Variants in THAP10 observed in about 807,000 individuals in gnomAD.
The protein encoded by THAP10 is THAP domain containing 10, also known as THAP domain-containing protein 10.
THAP10 carries 10 observed loss-of-function variants against 15.7 expected under a neutral mutation model. The observed-to-expected ratio is 0.64, with a 90% CI of 0.39 to 1.08. THAP10 has a LOEUF of 1.08. Among genes scored for constraint, THAP10 ranks in the 50% least tolerant of loss-of-function variants. THAP10 has a pLI of 0.01. For missense variants in THAP10, 310 were observed against 330.9 expected (o/e 0.94, Z 0.49); for synonymous variants, 127 against 129.1 (o/e 0.98, Z 0.11).
Position 70,892,203 on chromosome 15 carries a change from G to A in THAP10, c.70C>T (p.Pro24Ser). The A allele has an allele frequency of 6.2e-7, 1 of 1,605,466 alleles. No homozygotes were observed. Among genetic ancestry groups the A allele is most frequent in the Non-Finnish European group, 8.5e-7 (1 of 1,175,836 alleles). ...TKSGKSLFRF[P>S]KDRAVRLLWD... ...AGCAGCCGCACGGCCCGGTCCTTGG[G>A]AAAGCGGAACAGCGACTTCCCAGAC... The change falls in exon 1 of 3, where the codon CCC (proline) becomes TCC (serine). Residue 24 changes from proline to serine, a missense_variant. Transcript: ENST00000249861.
intron 1 of THAP10, among the ~76,000 whole-genome samples, chr15:70,890,462 A>G (rs1479345428): frequency 1.3e-5 from 2 of 152,202 alleles, no homozygotes; most frequent in East Asian, 3.8e-4. Flanking sequence ...AATTACTTAA[A>G]TTTGTAAAAT....
rs999743278 is a variant in THAP10, at chr15:70,882,550, G to C, written c.678C>G (p.Tyr226Ter). 2.5e-6 allele frequency: 4 copies of C among 1,613,644 alleles called. No homozygotes were observed. Among genetic ancestry groups the C allele is most frequent in the Non-Finnish European group, 3.4e-6 (4 of 1,179,714 alleles). The change falls in exon 3 of 3, where the codon TAC becomes TAG. Residue 226 changes from tyrosine to a stop codon, truncating the protein, a stop_gained. Transcript: ENST00000249861. LOFTEE classifies it high-confidence loss of function. The stretch of plus-strand genomic sequence containing the variant: ...CTGTATCTGTTTCTGAATCACTGGA[G>C]TAAATGTCAAAGAGAGAGGAAGTTC... ...WSRTSSLFDI[Y>*]SSDSETDTDW... is the part of the protein sequence containing the mutation.
intron 1 of THAP10, among the ~76,000 whole-genome samples, chr15:70,884,659 TA>T (rs1429152886): frequency 6.6e-6 from 1 of 152,214 alleles, no homozygotes; most frequent in Non-Finnish European, 1.5e-5. Flanking sequence ...CAATTTTCAC[TA>T]GCTATATCTA....
In THAP10 at chr15:70,884,263, C is replaced by G. The variant is rs114962143; in HGVS notation, c.430-1355G>C. ...AAGTTAAAGAAACTTTGTGGCCACA[C>G]ACAGTAGCTCACGCCTCCCAGCACT... On this transcript the variant is annotated intron_variant, in intron 1 of 2. Transcript: ENST00000249861. 1.8e-3 allele frequency among the ~76,000 whole-genome samples: 278 copies of G among 152,106 alleles called. 1 individual carries two copies. Among genetic ancestry groups the G allele is most frequent in the African/African-American group, 6.6e-3 (274 of 41,508 alleles).
chr15:70,889,274 T>C (rs575536874), intron 1 of THAP10, among the ~76,000 whole-genome samples: 1 of 152,134 alleles, frequency 6.6e-6, no homozygotes, highest in Admixed American at 6.5e-5. Context: ...TATGCAACAA[T>C]ATGGATGAAT....
chr15:70,889,764 C>T (rs973851931), intron 1 of THAP10, among the ~76,000 whole-genome samples: 3 of 152,108 alleles, frequency 2.0e-5, no homozygotes, highest in Non-Finnish European at 4.4e-5. Flanking sequence ...AATAGCTCTT[C>T]AATAAATGTT....
chr15:70,884,673 T>G (rs2033358148), intron 1 of THAP10, among the ~76,000 whole-genome samples: 1 of 152,194 alleles, frequency 6.6e-6, no homozygotes, highest in South Asian at 2.1e-4. Context: ...TATATCTACT[T>G]CTAAGCCAAG....
At position 70,892,137 on chromosome 15, in the gene THAP10, C is replaced by T; in HGVS notation, c.136G>A (p.Gly46Arg). The T allele has an allele frequency of 6.2e-7, 1 of 1,613,598 alleles. No individual in the cohort carries two copies. The highest frequency in any genetic ancestry group is 8.5e-7 in the Non-Finnish European group (1 of 1,179,820). Residue 46 changes from glycine (G) to arginine (R), a missense_variant, in exon 1 of 3, where the codon GGA becomes AGA. Coordinates refer to ENST00000249861, the MANE Select transcript of THAP10 (RefSeq NM_020147.4). Reference protein sequence around the residue: ...FVRGCRADWYGGNDRSVICSD... With the variant: ...FVRGCRADWYRGNDRSVICSD... ...CAGATGACCGAGCGGTCATTGCCTC[C>T]GTACCAGTCGGCGCGGCAACCCCGC...
chr15:70,882,933 A>C, intron 1 of THAP10, 25 bp from the exon 2 acceptor site: 3 of 1,612,908 alleles, frequency 1.9e-6, no homozygotes, highest in Non-Finnish European at 2.5e-6. Context: ...CAGAGGAGAA[A>C]CATATTAAAG....
chr15:70,887,481 A>G (rs1289874397), intron 1 of THAP10, among the ~76,000 whole-genome samples: 1 of 152,190 alleles, frequency 6.6e-6, no homozygotes, highest in Non-Finnish European at 1.5e-5. Context: ...AAAACCAATC[A>G]ATATAATTTA....
chr15:70,888,796 A>G (rs1243759463), intron 1 of THAP10, among the ~76,000 whole-genome samples: 1 of 152,192 alleles, frequency 6.6e-6, no homozygotes, highest in Non-Finnish European at 1.5e-5. Context: ...AATGGGCTAG[A>G]TTTAAAAGGG....
chr15:70,888,239 A>G (rs2033461507), intron 1 of THAP10, among the ~76,000 whole-genome samples: 1 of 152,184 alleles, frequency 6.6e-6, no homozygotes, highest in Non-Finnish European at 1.5e-5. Flanking sequence ...ATCCACAAAC[A>G]TGAACAAGGT....
In THAP10 at chr15:70,883,492, C is replaced by A. The variant is rs910236530; in HGVS notation, c.430-584G>T. ...TACAGGCGTGAGGCACCTCGCCCAA[C>A]CAAGATGATACTATCAGTATTAACT... On this transcript the variant is annotated intron_variant, in intron 1 of 2. Coordinates refer to ENST00000249861, the MANE Select transcript of THAP10 (RefSeq NM_020147.4). Among the ~76,000 whole-genome samples the A allele has an allele frequency of 8.5e-5, 13 of 152,140 alleles. No homozygotes were observed. The South Asian group carries it at 2.1e-3, about 24-fold the overall frequency.
At chr15:70,889,358 TC>T (rs200790839) in intron 1 of THAP10, among the ~76,000 whole-genome samples, 263 of 147,466 alleles carry the variant, frequency 1.8e-3, no homozygotes, top group Middle Eastern at 0.01. Flanking sequence ...TTATATGAAA[TC>T]CCCCCCCCAA....
intron 1 of THAP10, among the ~76,000 whole-genome samples, chr15:70,889,381 C>G (rs954777225): frequency 2.0e-5 from 3 of 151,886 alleles, no homozygotes; most frequent in Non-Finnish European, 4.4e-5. Flanking sequence ...AAAAAGCAAA[C>G]TTGGTTACCT....
At chr15:70,891,567 CTGTGTGTGTGTGTGTGTG>C (rs3220843) in intron 1 of THAP10, among the ~76,000 whole-genome samples, 41,447 of 137,112 alleles carry the variant, frequency 0.3, 6,201 homozygotes, top group East Asian at 0.42. Context: ...GGACAAGACT[CTGTGTGTGTGTGTGTGTG>C]TGTGTGTGTG....
chr15:70,886,908 T>A lies in THAP10; in HGVS notation c.430-4000A>T, dbSNP rs146736136. On this transcript the variant is annotated intron_variant, in intron 1 of 2. Coordinates refer to ENST00000249861, the MANE Select transcript of THAP10 (RefSeq NM_020147.4). ...TCGATAAACCATCTGGTGAAGCTGATCAAGAAAAAATGAAAAAGCAAAAAT... is the reference window on the plus strand; with the variant it reads ...TCGATAAACCATCTGGTGAAGCTGAACAAGAAAAAATGAAAAAGCAAAAAT... Among the ~76,000 whole-genome samples, 216 of 151,618 alleles carry A rather than the reference T, an allele frequency of 1.4e-3. 3 individuals are homozygous for A. In the East Asian group the frequency reaches 0.039, roughly 27 times the overall value.
intron 1 of THAP10, among the ~76,000 whole-genome samples, chr15:70,885,506 AGC>A (rs2033383135): frequency 6.6e-6 from 1 of 152,220 alleles, no homozygotes; most frequent in African/African-American, 2.4e-5. Flanking sequence ...CATTCTCTTC[AGC>A]GGGGTAACCA....
At chr15:70,884,790 C>G (rs1294417198) in intron 1 of THAP10, among the ~76,000 whole-genome samples, 2 of 151,874 alleles carry the variant, frequency 1.3e-5, no homozygotes, top group Non-Finnish European at 2.9e-5. Flanking sequence ...ACTTTTATTC[C>G]CTTTATAACA....
Sources: gnomAD v4.1 joint callset for allele counts (sites outside exome capture counted in the v4.1 genomes callset) on GRCh38, gnomAD v4.1.1 for gene constraint, MANE v1.5 for transcripts, NCBI Gene and HGNC (gene_info 2026-07-23, HGNC 2026-07-21) for gene names.